Variants in CASQ2 observed in about 807,000 individuals in gnomAD.
CASQ2 encodes the protein calsequestrin 2.
Under a neutral mutation model 46.5 loss-of-function variants are expected in CASQ2, and 49 were observed. The observed-to-expected ratio is 1.05, with a 90% CI of 0.84 to 1.34. The LOEUF (loss-of-function observed/expected upper bound fraction) is 1.34. CASQ2 is among the 40% of genes most tolerant of loss of function. CASQ2 has a pLI of 0.00. For synonymous variants in CASQ2, 174 were observed against 168.5 expected (o/e 1.03, Z -0.25); for missense variants, 486 against 481.3 (o/e 1.01, Z -0.09).
chr1:115,735,977 C>A (rs1221891158), intron 4 of CASQ2, among the ~76,000 whole-genome samples: 1 of 151,830 alleles, frequency 6.6e-6, no homozygotes, highest in Non-Finnish European at 1.5e-5. Context: ...GCCTGGCCAA[C>A]ATGGTGAAAC....
At chr1:115,757,510 C>T (rs903730760) in intron 1 of CASQ2, among the ~76,000 whole-genome samples, 1 of 152,202 alleles carries the variant, frequency 6.6e-6, no homozygotes, top group Non-Finnish European at 1.5e-5. Flanking sequence ...TTGCTATTCC[C>T]TCCCCAGCGT....
At chr1:115,716,053 T>C (rs1654692157) in intron 8 of CASQ2, among the ~76,000 whole-genome samples, 1 of 152,216 alleles carries the variant, frequency 6.6e-6, no homozygotes, top group South Asian at 2.1e-4. Flanking sequence ...TCTCTCCCTA[T>C]GAGTATACAA....
intron 3 of CASQ2, 114 bp downstream of exon 3, chr1:115,740,614 A>C (rs1648142230): frequency 2.8e-6 from 2 of 724,434 alleles, no homozygotes; most frequent in Admixed American, 2.2e-5. Context: ...AATCCTGAAA[A>C]ACCTGTCACA....
In CASQ2 at chr1:115,768,396, T is replaced by A; in HGVS notation, c.146A>T (p.Tyr49Phe). ...ATGGTAGTAGAGGCAAAGCAAGTCA[T>A]ATTTCTTTAAAACCTGCTTGAAGTT... ...EKNFKQVLKK[Y>F]DLLCLYYHEP... Residue 49 changes from tyrosine to phenylalanine, a missense_variant, in exon 1 of 11, where the codon TAT becomes TTT. Tyr to Phe is a conservative substitution (Grantham distance 22). Transcript: ENST00000261448. 6.2e-7 allele frequency: 1 copy of A among 1,614,080 alleles called. No homozygotes were observed. Among genetic ancestry groups the A allele is most frequent in the African/African-American group, 1.3e-5 (1 of 75,048 alleles).
chr1:115,754,481 C>G (rs953194015), intron 1 of CASQ2, among the ~76,000 whole-genome samples: 2 of 152,188 alleles, frequency 1.3e-5, no homozygotes. Flanking sequence ...TATATGCCAG[C>G]TATTGCTCCA....
At chr1:115,707,988 C>T (rs1654413664) in intron 8 of CASQ2, among the ~76,000 whole-genome samples, 1 of 152,148 alleles carries the variant, frequency 6.6e-6, no homozygotes, top group Non-Finnish European at 1.5e-5. Flanking sequence ...GCTGAATACA[C>T]AACGGAGCAC....
In CASQ2 at chr1:115,705,244, G is replaced by A. The variant is rs563690536; in HGVS notation, c.887C>T (p.Thr296Ile). The A allele has an allele frequency of 6.2e-7, 1 of 1,614,138 alleles. No individual in the cohort carries two copies. Among genetic ancestry groups the A allele is most frequent in the Admixed American group, 1.7e-5 (1 of 60,030 alleles). ...CAGGATGCTCAGATCGGGGTTGTCA[G>A]TATTGTCCCGGGCAACCTGTTTCAG... The part of the protein sequence containing the change: ...EILKQVARDN[T>I]DNPDLSILWI... Residue 296 changes from threonine to isoleucine, a missense_variant, in exon 9 of 11, where the codon ACT becomes ATT. Transcript: ENST00000261448.
Position 115,703,007 on chromosome 1 carries a change from A to C in CASQ2, c.940-12T>G, listed in dbSNP as rs1011151951. 16 of 1,608,798 alleles carry C rather than the reference A, an allele frequency of 9.9e-6. No individual in the cohort carries two copies. In the African/African-American group the frequency reaches 2.1e-4, roughly 21 times the overall value. On this transcript the variant is annotated splice_polypyrimidine_tract_variant and intron_variant, in intron 9 of 10. Coordinates refer to ENST00000261448, the MANE Select transcript of CASQ2 (RefSeq NM_001232.4). Reference sequence around the variant, plus strand: ...CAGTAGGCAACGAGCTGCAGCAACAAAAAAATAAGATTAGACAGCAGGCAG... The same window carrying C: ...CAGTAGGCAACGAGCTGCAGCAACACAAAAATAAGATTAGACAGCAGGCAG...
intron 8 of CASQ2, among the ~76,000 whole-genome samples, chr1:115,710,592 C>T (rs554513845): frequency 1.4e-4 from 22 of 152,144 alleles, no homozygotes; most frequent in African/African-American, 3.6e-4. Flanking sequence ...CCAGGGCTGG[C>T]GGGCTGGCCT....
intron 10 of CASQ2, 150 bp downstream of exon 10, chr1:115,702,771 G>A (rs1654246170): frequency 1.0e-5 from 7 of 686,992 alleles, no homozygotes; most frequent in East Asian, 8.2e-5. Context: ...GAGACCAGGC[G>A]TGGAACACAC....
intron 8 of CASQ2, among the ~76,000 whole-genome samples, chr1:115,713,201 T>C (rs544372874): frequency 1.3e-5 from 2 of 152,312 alleles, no homozygotes; most frequent in African/African-American, 4.8e-5. Context: ...ATAAAGAAGA[T>C]GTCAGCCTGA....
chr1:115,765,374 A>G (rs1649101828), intron 1 of CASQ2, among the ~76,000 whole-genome samples: 1 of 152,092 alleles, frequency 6.6e-6, no homozygotes. Flanking sequence ...GACATCCCTT[A>G]GAGATGCAGA....
intron 1 of CASQ2, among the ~76,000 whole-genome samples, chr1:115,763,037 C>T (rs1018250921): frequency 3.9e-5 from 6 of 152,174 alleles, no homozygotes; most frequent in Admixed American, 1.3e-4. Flanking sequence ...GTTTCTTGAT[C>T]CTTGCCCAAT....
At position 115,768,450 on chromosome 1, in the gene CASQ2, T is replaced by C. The variant is rs748382465; in HGVS notation, c.92A>G (p.Lys31Arg). The change falls in exon 1 of 11, where the codon AAG (lysine) becomes AGG (arginine). Residue 31 changes from lysine (K) to arginine (R), a missense_variant. Coordinates refer to ENST00000261448, the MANE Select transcript of CASQ2 (RefSeq NM_001232.4). ...EGLNFPTYDG[K>R]DRVVSLSEKN... ...CTCGGAAAGACTTACCACTCGGTCC[T>C]TCCCATCATATGTGGGGAAATTAAG... 2 of 1,613,906 alleles carry C rather than the reference T, an allele frequency of 1.2e-6. No homozygotes were observed. Among genetic ancestry groups the C allele is most frequent in the South Asian group, 2.2e-5 (2 of 91,086 alleles).
chr1:115,742,306 C>G (rs1485660373), intron 2 of CASQ2, among the ~76,000 whole-genome samples: 1 of 152,030 alleles, frequency 6.6e-6, no homozygotes, highest in Non-Finnish European at 1.5e-5. Context: ...TCAATGATGG[C>G]CAATCTCAAA....
intron 8 of CASQ2, among the ~76,000 whole-genome samples, chr1:115,707,978 G>C (rs1230342612): frequency 6.6e-6 from 1 of 152,314 alleles, no homozygotes; most frequent in East Asian, 1.9e-4. Context: ...AGAACTATAA[G>C]CTGAATACAC....
rs370149295 is a variant in CASQ2 at position 115,700,770 on chromosome 1, C to A, written c.*471G>T. On this transcript the variant is annotated 3_prime_UTR_variant, in exon 11 of 11. Transcript: ENST00000261448. ...GGATCATCTTGGCTGGAGGAGGGAT[C>A]CCAACTGATGTTCGAGGTATGGAGG... The A allele has an allele frequency of 5.5e-5, 24 of 437,626 alleles. No homozygotes were observed. Among genetic ancestry groups the A allele is most frequent in the East Asian group, 4.0e-4 (12 of 29,924 alleles). The allele number at this position is 437,626 out of a possible 1,614,324, so 27.1% of individuals were successfully genotyped here. A position where few individuals can be genotyped will look rare whatever the true frequency, so the allele number is the denominator to read the frequency against.
At chr1:115,710,779 C>T (rs1300550693) in intron 8 of CASQ2, among the ~76,000 whole-genome samples, 1 of 152,184 alleles carries the variant, frequency 6.6e-6, no homozygotes, top group Non-Finnish European at 1.5e-5. Flanking sequence ...CAACTCCTCT[C>T]CTGCCACTCA....
At chr1:115,767,433 C>T (rs1221470240) in intron 1 of CASQ2, among the ~76,000 whole-genome samples, 1 of 152,204 alleles carries the variant, frequency 6.6e-6, no homozygotes, top group East Asian at 1.9e-4. Flanking sequence ...CCTGAGTTCT[C>T]TGATTGTGCT....
Sources: gnomAD v4.1 joint callset for allele counts (sites outside exome capture counted in the v4.1 genomes callset) on GRCh38, gnomAD v4.1.1 for gene constraint, MANE v1.5 for transcripts, NCBI Gene and HGNC (gene_info 2026-07-23, HGNC 2026-07-21) for gene names.